Variants in BRMS1L observed in about 807,000 individuals in gnomAD.
BRMS1L encodes the protein breast cancer metastasis-suppressor 1-like protein.
Under a neutral mutation model 50.3 loss-of-function variants are expected in BRMS1L, and 23 were observed. That is an observed-to-expected ratio of 0.46 (90% CI 0.33 to 0.65). The LOEUF is 0.65. Ranked by LOEUF, BRMS1L falls within the 30% of genes least tolerant of loss-of-function variation. The probability of loss-of-function intolerance (pLI) is 0.02; values close to 1 mark genes in which losing one functional copy is unlikely to be tolerated. For synonymous variants in BRMS1L, 114 were observed against 126.9 expected, an observed-to-expected ratio of 0.90 and a Z score of 0.69; for missense variants, 286 against 386.1, an observed-to-expected ratio of 0.74 and a Z score of 2.17.
chr14:35,856,872 G>C (rs1012844197), intron 4 of BRMS1L, among the ~76,000 whole-genome samples: 59 of 151,900 alleles, frequency 3.9e-4, no homozygotes, highest in African/African-American at 1.4e-3. Context: ...CCCCAGCCTG[G>C]CCTATTTTTT....
chr14:35,829,772 C>A, intron 1 of BRMS1L: 4 of 1,052,250 alleles, frequency 3.8e-6, no homozygotes, highest in South Asian at 1.4e-5. Flanking sequence ...AATAATTGAA[C>A]ATGATTTAAC....
At chr14:35,828,073 C>CA (rs1386631431) in intron 1 of BRMS1L, among the ~76,000 whole-genome samples, 10 of 152,182 alleles carry the variant, frequency 6.6e-5, no homozygotes, top group African/African-American at 2.4e-4. Flanking sequence ...AGAGAAAAAC[C>CA]AAGATACAAG....
chr14:35,860,586 A>C (rs937987638), intron 4 of BRMS1L, among the ~76,000 whole-genome samples: 3 of 152,126 alleles, frequency 2.0e-5, no homozygotes, highest in Non-Finnish European at 2.9e-5. Flanking sequence ...GCTTAAAAAA[A>C]AAAAAAAAAA....
In BRMS1L at chr14:35,826,464, C is replaced by G; in HGVS notation, c.-53C>G. On this transcript the variant is annotated 5_prime_UTR_variant, in exon 1 of 10. Transcript: ENST00000216807. ...GCGTTCCGCGCGCCCTTCATTGAAG[C>G]GGCGGTGGCCGGGCTGGGCGCCGGT... 3.2e-6 allele frequency: 5 copies of G among 1,550,622 alleles called. No individual in the cohort carries two copies. The highest frequency in any genetic ancestry group is 4.4e-6 in the Non-Finnish European group (5 of 1,147,646).
Position 35,870,474 on chromosome 14 carries a change from A to T in BRMS1L, c.969A>T (p.Ser323=), listed in dbSNP as rs1445504528. Residue 323 remains serine (S), a synonymous_variant, in exon 10 of 10, where the codon TCA becomes TCT. Transcript: ENST00000216807. ...LQKGKYSIKH[S] is the part of the protein sequence containing the mutation. Reference sequence around the variant, plus strand: ...AAGGAAAATATTCAATTAAACATTCATAATCATGATTTAAGTGTTATCTAA... The same window carrying T: ...AAGGAAAATATTCAATTAAACATTCTTAATCATGATTTAAGTGTTATCTAA... 4.5e-6 allele frequency: 7 copies of T among 1,566,658 alleles called. No individual in the cohort carries two copies. The highest frequency in any genetic ancestry group is 3.5e-6 in the Non-Finnish European group (4 of 1,141,552).
chr14:35,863,386 T>A (rs1206420893), intron 5 of BRMS1L, among the ~76,000 whole-genome samples: 3 of 152,208 alleles, frequency 2.0e-5, no homozygotes, highest in African/African-American at 7.2e-5. Context: ...CTTGAGTATA[T>A]ATTACTTTAT....
Position 35,826,761 on chromosome 14 carries a change from G to A in BRMS1L, c.142+103G>A, listed in dbSNP as rs1024503056. The A allele has an allele frequency of 5.3e-6, 8 of 1,502,522 alleles. No homozygotes were observed. In the African/African-American group the frequency reaches 8.2e-5, roughly 15 times the overall value. 93.1% of individuals were successfully genotyped at this position (1,502,522 alleles called of 1,614,324 possible). ...CGTCCTGCTGGGAAAGCGGGGCGGGGACAGAGGGAAGGGGCGGAGACTGGC... is the reference window on the plus strand; with the variant it reads ...CGTCCTGCTGGGAAAGCGGGGCGGGAACAGAGGGAAGGGGCGGAGACTGGC... On this transcript the variant is annotated intron_variant, in intron 1 of 9. Coordinates refer to ENST00000216807, the MANE Select transcript of BRMS1L (RefSeq NM_032352.4).
chr14:35,848,656 A>T (rs978433070), intron 4 of BRMS1L, among the ~76,000 whole-genome samples: 1 of 151,546 alleles, frequency 6.6e-6, no homozygotes, highest in African/African-American at 2.4e-5. Flanking sequence ...CCACCATTCT[A>T]CTCTTCTATG....
chr14:35,850,607 A>G (rs142504607), intron 4 of BRMS1L, among the ~76,000 whole-genome samples: 48 of 152,332 alleles, frequency 3.2e-4, no homozygotes, highest in African/African-American at 1.1e-3. Flanking sequence ...TTTGTGTCAT[A>G]TCAAAGAAAG....
In BRMS1L at chr14:35,867,908, C is replaced by T; in HGVS notation, c.730C>T (p.Pro244Ser). Residue 244 changes from proline (P) to serine (S), a missense_variant and splice_region_variant, in exon 9 of 10, where the codon CCT becomes TCT. Pro to Ser is a moderately conservative substitution (Grantham distance 74). Around this residue, in one of 5 missense-constraint regions of BRMS1L, gnomAD observed 160 missense variants for 240.6 expected, o/e 0.66. Coordinates refer to ENST00000216807, the MANE Select transcript of BRMS1L (RefSeq NM_032352.4). ...LGPHRVKTEPPVKLEKHLHSA... is the reference protein window; with the variant it reads ...LGPHRVKTEPSVKLEKHLHSA... Reference sequence around the variant, plus strand: ...AGTTTTTGAACTGATCCCTTTAGCACCTGTGAAACTGGAAAAACATCTGCA... The same window carrying T: ...AGTTTTTGAACTGATCCCTTTAGCATCTGTGAAACTGGAAAAACATCTGCA... The T allele has an allele frequency of 6.3e-7, 1 of 1,593,138 alleles. No individual in the cohort carries two copies. Among genetic ancestry groups the T allele is most frequent in the Non-Finnish European group, 8.5e-7 (1 of 1,173,934 alleles).
intron 1 of BRMS1L, among the ~76,000 whole-genome samples, chr14:35,828,516 C>T (rs2077876632): frequency 6.7e-6 from 1 of 148,980 alleles, no homozygotes; most frequent in Admixed American, 6.7e-5. Context: ...TCTTGGCACC[C>T]AGGCTGGAGT....
Position 35,826,662 on chromosome 14 carries a change from C to G in BRMS1L, c.142+4C>G, listed in dbSNP as rs12891057. On this transcript the variant is annotated splice_donor_region_variant and intron_variant, in intron 1 of 9. Coordinates refer to ENST00000216807, the MANE Select transcript of BRMS1L (RefSeq NM_032352.4). ...TCCGAGGATGGAGATAGCTCAGGTG[C>G]GCGACCCACTGCTGGGACCCTGAGT... 6.2e-7 allele frequency: 1 copy of G among 1,611,048 alleles called. No homozygotes were observed. Among genetic ancestry groups the G allele is most frequent in the African/African-American group, 1.3e-5 (1 of 75,022 alleles).
intron 4 of BRMS1L, among the ~76,000 whole-genome samples, chr14:35,850,049 C>T (rs1409736012): frequency 6.6e-6 from 1 of 151,724 alleles, no homozygotes; most frequent in Non-Finnish European, 1.5e-5. Context: ...TCTTGAACTC[C>T]GATCTCAAGT....
intron 1 of BRMS1L, among the ~76,000 whole-genome samples, chr14:35,827,094 A>G (rs140931690): frequency 2.0e-5 from 3 of 152,244 alleles, no homozygotes; most frequent in Non-Finnish European, 4.4e-5. Context: ...TTGCAAGTCA[A>G]CTTGCCGGTC....
chr14:35,836,921 A>G (rs1260241816), intron 4 of BRMS1L, among the ~76,000 whole-genome samples: 1 of 152,124 alleles, frequency 6.6e-6, no homozygotes, highest in African/African-American at 2.4e-5. Flanking sequence ...TTCCTTGAGC[A>G]GTGGTTTGTA....
intron 4 of BRMS1L, chr14:35,858,715 G>A (rs1270973908): frequency 6.6e-6 from 1 of 152,028 alleles, no homozygotes; most frequent in Non-Finnish European, 1.5e-5. Context: ...CGCTTCTAAG[G>A]TGACTCACTC....
chr14:35,862,139 C>G (rs970164078), intron 4 of BRMS1L, among the ~76,000 whole-genome samples: 2 of 151,886 alleles, frequency 1.3e-5, no homozygotes, highest in Non-Finnish European at 2.9e-5. Context: ...TTCTCTTTGC[C>G]TATTTTAATA....
intron 8 of BRMS1L, among the ~76,000 whole-genome samples, chr14:35,866,571 G>A (rs2078424403): frequency 2.0e-5 from 3 of 152,104 alleles, no homozygotes; most frequent in Admixed American, 6.6e-5. Context: ...CAGGCTTGGC[G>A]GTGTGTACTT....
At chr14:35,866,865 A>T (rs2078428393) in intron 8 of BRMS1L, among the ~76,000 whole-genome samples, 1 of 152,118 alleles carries the variant, frequency 6.6e-6, no homozygotes, top group Non-Finnish European at 1.5e-5. Flanking sequence ...ATTCCTTTTG[A>T]GAATCTCATT....
Sources: allele counts gnomAD v4.1 joint callset (sites outside exome capture counted in the v4.1 genomes callset), GRCh38; gene constraint gnomAD v4.1.1; regional missense constraint gnomAD v4.1.1; transcripts MANE v1.5; gene names NCBI Gene and HGNC (gene_info 2026-07-23, HGNC 2026-07-21).